The following PHLDB2 variants were observed in gnomAD, a reference collection of about 807,000 sequenced individuals.
The protein encoded by PHLDB2 is pleckstrin homology like domain family B member 2.
In PHLDB2, 71 loss-of-function variants were observed where a neutral mutation model predicts 123.6. The observed-to-expected ratio is 0.57, with a 90% CI of 0.47 to 0.70. The LOEUF (loss-of-function observed/expected upper bound fraction) is 0.70, where lower values mean the gene tolerates loss of function less well. Among genes scored for constraint, PHLDB2 ranks in the 30% least tolerant of loss-of-function variants. The pLI, the probability that PHLDB2 is intolerant of heterozygous loss-of-function variation, is 0.00. For missense variants in PHLDB2, 1,446 were observed against 1,519.5 expected (o/e 0.95, Z 0.80); for synonymous variants, 547 against 541.6 (o/e 1.01, Z -0.14).
At position 111,922,302 on chromosome 3, in the gene PHLDB2, T is replaced by G. The variant is rs1229590236; in HGVS notation, c.2001+1883T>G. Among the ~76,000 whole-genome samples, 3 of 152,210 alleles carry G rather than the reference T, an allele frequency of 2.0e-5. 1 individual carries two copies. Among genetic ancestry groups the G allele is most frequent in the Non-Finnish European group, 4.4e-5 (3 of 68,046 alleles). ...ATTAATATCAGATTCTACACAAAAG[T>G]GAAGCAAGTTGAGCCAATGTTAAAT... On this transcript the variant is annotated intron_variant, in intron 5 of 17. Coordinates refer to ENST00000431670, the MANE Select transcript of PHLDB2 (RefSeq NM_001134438.2).
At position 111,773,228 on chromosome 3, in the gene PHLDB2, G is replaced by A. The variant is rs532013715; in HGVS notation, c.-49+40525G>A. 3.9e-5 allele frequency among the ~76,000 whole-genome samples: 6 copies of A among 152,186 alleles called. No individual in the cohort carries two copies. In the South Asian group the frequency reaches 1.2e-3, roughly 32 times the overall value. On this transcript the variant is annotated intron_variant, in intron 1 of 17. Coordinates refer to the PHLDB2 transcript ENST00000393923. ...AAGCGTATTCATTAAAGTTAACAAGGTTTCCCAGGCTCTGCTCCAAACCTG... is the reference window on the plus strand; with the variant it reads ...AAGCGTATTCATTAAAGTTAACAAGATTTCCCAGGCTCTGCTCCAAACCTG...
chr3:111,954,150 A>T, intron 12 of PHLDB2, 121 bp downstream of exon 12: 1 of 767,506 alleles, frequency 1.3e-6, no homozygotes, highest in South Asian at 1.8e-5. Flanking sequence ...GCCTAATTTT[A>T]CTCTTAATGT....
At chr3:111,845,217 T>A (rs1424749319) in intron 1 of PHLDB2, among the ~76,000 whole-genome samples, 4 of 151,760 alleles carry the variant, frequency 2.6e-5, no homozygotes, top group African/African-American at 9.7e-5. Flanking sequence ...TAGCCAGGCC[T>A]GGTGGCACAT....
intron 1 of PHLDB2, among the ~76,000 whole-genome samples, chr3:111,834,529 G>C (rs2063312458): frequency 6.6e-6 from 1 of 151,188 alleles, no homozygotes; most frequent in Non-Finnish European, 1.5e-5. Context: ...ACTTAACCAT[G>C]ACCTTACTGA....
intron 1 of PHLDB2, chr3:111,859,818 A>G (rs1399967428): frequency 1.0e-6 from 1 of 985,536 alleles, no homozygotes; most frequent in South Asian, 4.7e-5. Flanking sequence ...GCGGGGGCAA[A>G]GGCTAGGCGC....
At chr3:111,875,574 G>C (rs1043946270) in intron 1 of PHLDB2, among the ~76,000 whole-genome samples, 2 of 151,670 alleles carry the variant, frequency 1.3e-5, no homozygotes, top group African/African-American at 4.8e-5. Flanking sequence ...TGTAATCCCA[G>C]CACTTTGGGA....
intron 1 of PHLDB2, among the ~76,000 whole-genome samples, chr3:111,881,862 G>T (rs1202566328): frequency 1.4e-5 from 2 of 146,438 alleles, no homozygotes; most frequent in Admixed American, 6.8e-5. Context: ...TATATTTATT[G>T]AAAAAAATGT....
At chr3:111,917,836 A>G (rs2068266948) in intron 3 of PHLDB2, among the ~76,000 whole-genome samples, 1 of 152,232 alleles carries the variant, frequency 6.6e-6, no homozygotes, top group Non-Finnish European at 1.5e-5. Flanking sequence ...ATTGTCAAAT[A>G]AATTTAGTGA....
intron 1 of PHLDB2, among the ~76,000 whole-genome samples, chr3:111,812,776 A>G (rs1230234821): frequency 2.6e-5 from 4 of 152,228 alleles, no homozygotes; most frequent in Admixed American, 2.6e-4. Context: ...TTGGAGCCAG[A>G]CAAATTAATT....
In PHLDB2 at chr3:111,976,402, C is replaced by T. The variant is rs1355033728; in HGVS notation, c.*1839C>T. ...TTGTAGTGTATAAACTGAAGTATTC[C>T]AATAGAAGTATCTCTGGTTACATCC... On this transcript the variant is annotated 3_prime_UTR_variant, in exon 18 of 18. Transcript: ENST00000431670. 6.6e-6 allele frequency: 1 copy of T among 152,042 alleles called. No homozygotes were observed. Among genetic ancestry groups the T allele is most frequent in the Admixed American group, 6.5e-5 (1 of 15,270 alleles). 9.4% of individuals were successfully genotyped at this position (152,042 alleles called of 1,614,324 possible).
intron 5 of PHLDB2, among the ~76,000 whole-genome samples, chr3:111,929,705 C>T (rs1212515075): frequency 6.6e-6 from 1 of 152,128 alleles, no homozygotes; most frequent in Non-Finnish European, 1.5e-5. Flanking sequence ...CTTCTTTCAT[C>T]CTTTCCCTTT....
intron 2 of PHLDB2, among the ~76,000 whole-genome samples, chr3:111,850,513 A>G (rs1358560227): frequency 6.6e-6 from 1 of 152,222 alleles, no homozygotes; most frequent in Admixed American, 6.5e-5. Context: ...AAATGAGACT[A>G]AAATAACCAT....
chr3:111,849,688 C>A (rs979907665), intron 2 of PHLDB2, among the ~76,000 whole-genome samples: 1 of 152,086 alleles, frequency 6.6e-6, no homozygotes, highest in Non-Finnish European at 1.5e-5. Context: ...GACACTTGCA[C>A]ATATATTTTA....
intron 2 of PHLDB2, among the ~76,000 whole-genome samples, chr3:111,906,928 C>T (rs1235466129): frequency 2.0e-5 from 3 of 152,132 alleles, no homozygotes; most frequent in African/African-American, 7.2e-5. Flanking sequence ...TTTTCCTGAC[C>T]ACAAGCCTGA....
chr3:111,861,200 T>G (rs1400248344), intron 1 of PHLDB2, among the ~76,000 whole-genome samples: 1 of 152,222 alleles, frequency 6.6e-6, no homozygotes, highest in East Asian at 1.9e-4. Flanking sequence ...ATATCTCTCT[T>G]GCCGTTGCCT....
chr3:111,781,945 T>C (rs2060491029), intron 1 of PHLDB2, among the ~76,000 whole-genome samples: 1 of 152,052 alleles, frequency 6.6e-6, no homozygotes, highest in African/African-American at 2.4e-5. Context: ...GGCACAAAAC[T>C]ACCTCAGTCA....
intron 13 of PHLDB2, among the ~76,000 whole-genome samples, chr3:111,962,682 T>C (rs2107666244): frequency 6.6e-6 from 1 of 152,246 alleles, no homozygotes; most frequent in South Asian, 2.1e-4. Flanking sequence ...TAATCCCAGC[T>C]ACTTTGGGAG....
At chr3:111,780,093 A>G (rs1010336809) in intron 1 of PHLDB2, among the ~76,000 whole-genome samples, 2 of 151,574 alleles carry the variant, frequency 1.3e-5, no homozygotes, top group African/African-American at 2.4e-5. Context: ...AGGCTAAAGT[A>G]TAGCTCTTCT....
At chr3:111,813,413 A>T (rs921943017) in intron 1 of PHLDB2, among the ~76,000 whole-genome samples, 3 of 152,148 alleles carry the variant, frequency 2.0e-5, no homozygotes, top group Admixed American at 2.0e-4. Context: ...GTCTTTAGTT[A>T]ATCCTTAACA....
Sources: allele counts gnomAD v4.1 joint callset (sites outside exome capture counted in the v4.1 genomes callset), GRCh38; gene constraint gnomAD v4.1.1; transcripts MANE v1.5; gene names NCBI Gene and HGNC (gene_info 2026-07-23, HGNC 2026-07-21).